IGFBPL1: variants seen among roughly 807,000 people sequenced by gnomAD.
The protein encoded by IGFBPL1 is insulin like growth factor binding protein like 1, also known as insulin-like growth factor-binding protein-like 1.
A neutral mutation model predicts 23.9 loss-of-function variants in IGFBPL1; 20 were observed. The observed-to-expected ratio is 0.84, with a 90% CI of 0.59 to 1.22. The LOEUF (loss-of-function observed/expected upper bound fraction) is 1.22, where lower values mean the gene tolerates loss of function less well. IGFBPL1 is among the 50% of genes most tolerant of loss of function. The pLI is 0.00. For missense variants in IGFBPL1, 436 were observed against 379.3 expected (o/e 1.15, Z -1.24); for synonymous variants, 184 against 171.8 (o/e 1.07, Z -0.56).
chr9:38,417,226 G>A (rs1821612019), intron 1 of IGFBPL1, among the ~76,000 whole-genome samples: 1 of 152,146 alleles, frequency 6.6e-6, no homozygotes, highest in South Asian at 2.1e-4. Flanking sequence ...GTGTAGTGAG[G>A]AGGCTGTGAG....
rs1821731690 is a variant in IGFBPL1, at chr9:38,424,373, G to C, written c.52C>G (p.Leu18Val). The C allele has an allele frequency of 1.4e-6, 1 of 692,210 alleles. No individual in the cohort carries two copies. The highest frequency in any genetic ancestry group is 1.9e-5 in the African/African-American group (1 of 53,224). 42.9% of individuals were successfully genotyped at this position (692,210 alleles called of 1,614,324 possible). ...LPLLLLLLLP[L>V]LPPLSPSLGI... ...AGGCTCGGGGACAGCGGCGGCAGCA[G>C]CGGCAGCAGCAGCAGAAGCAGCAGC... The change falls in exon 1 of 5, where the codon CTG becomes GTG. Residue 18 changes from leucine (L) to valine (V), a missense_variant. Physicochemically the swap from Leu to Val is conservative, Grantham distance 32 (BLOSUM62 1). Transcript: ENST00000377694.
chr9:38,415,610 G>A lies in IGFBPL1; in HGVS notation c.461-1407C>T, dbSNP rs543117107. Among the ~76,000 whole-genome samples, 20 of 152,276 alleles carry A rather than the reference G, an allele frequency of 1.3e-4. No individual in the cohort carries two copies. The East Asian group carries it at 3.1e-3, about 24-fold the overall frequency. On this transcript the variant is annotated intron_variant, in intron 1 of 4. Coordinates refer to ENST00000377694, the MANE Select transcript of IGFBPL1 (RefSeq NM_001007563.3). ...AGGCTCTTTAGCATCCTGATTCTCTGTGATTCTGTGCCTGACCACGTATGA... is the reference window on the plus strand; with the variant it reads ...AGGCTCTTTAGCATCCTGATTCTCTATGATTCTGTGCCTGACCACGTATGA...
intron 4 of IGFBPL1, among the ~76,000 whole-genome samples, chr9:38,410,844 G>A (rs1362259132): frequency 6.6e-6 from 1 of 152,226 alleles, no homozygotes; most frequent in African/African-American, 2.4e-5. Flanking sequence ...TACAGACTAG[G>A]AGGCCTTGAC....
At chr9:38,412,479 A>G (rs796726915) in intron 3 of IGFBPL1, among the ~76,000 whole-genome samples, 8 of 152,268 alleles carry the variant, frequency 5.3e-5, no homozygotes, top group African/African-American at 1.9e-4. Flanking sequence ...CATCTTGGTA[A>G]AAGTGCTGCG....
chr9:38,411,537 G>C lies in IGFBPL1; in HGVS notation c.700C>G (p.Arg234Gly). ...TGGTACACACCCTCATCCTCCTTTC[G>C]CAGGGGGTTGATCTAGAAATACAAC... Reference protein sequence around the residue: ...ATAWILINPLRKEDEGVYQCH... With the variant: ...ATAWILINPLGKEDEGVYQCH... Residue 234 changes from arginine to glycine, a missense_variant, in exon 4 of 5, where the codon CGA becomes GGA. Coordinates refer to ENST00000377694, the MANE Select transcript of IGFBPL1 (RefSeq NM_001007563.3). The C allele has an allele frequency of 6.2e-7, 1 of 1,613,750 alleles. No homozygotes were observed. The highest frequency in any genetic ancestry group is 2.2e-5 in the East Asian group (1 of 44,880).
chr9:38,411,080 C>T (rs1821507462), intron 4 of IGFBPL1, among the ~76,000 whole-genome samples: 2 of 151,960 alleles, frequency 1.3e-5, no homozygotes, highest in Non-Finnish European at 2.9e-5. Flanking sequence ...CTACCTCTCT[C>T]AGTGCTCTTT....
At chr9:38,416,209 G>A (rs751558528) in intron 1 of IGFBPL1, among the ~76,000 whole-genome samples, 9 of 152,216 alleles carry the variant, frequency 5.9e-5, no homozygotes, top group Non-Finnish European at 1.2e-4. Flanking sequence ...TGGATACCAA[G>A]GGGACTCTCA....
At chr9:38,416,795 C>G (rs980327488) in intron 1 of IGFBPL1, among the ~76,000 whole-genome samples, 2 of 151,916 alleles carry the variant, frequency 1.3e-5, no homozygotes, top group Admixed American at 6.6e-5. Context: ...CTGCCTCAGC[C>G]TCTTGAGTAG....
At chr9:38,415,045 C>A (rs1271961208) in intron 1 of IGFBPL1, among the ~76,000 whole-genome samples, 3 of 152,222 alleles carry the variant, frequency 2.0e-5, no homozygotes, top group African/African-American at 7.2e-5. Context: ...GCATCCAGCA[C>A]CACAGCGTGT....
At chr9:38,423,651 C>T (rs547664856) in intron 1 of IGFBPL1, among the ~76,000 whole-genome samples, 1 of 152,256 alleles carries the variant, frequency 6.6e-6, no homozygotes, top group East Asian at 1.9e-4. Context: ...AACTCGGATC[C>T]CCCTCCTTAA....
chr9:38,420,984 T>A (rs1821670430), intron 1 of IGFBPL1, among the ~76,000 whole-genome samples: 1 of 151,962 alleles, frequency 6.6e-6, no homozygotes, highest in Non-Finnish European at 1.5e-5. Context: ...AGGACACTTG[T>A]AAAAATCATG....
At chr9:38,414,500 C>T (rs1821564818) in intron 1 of IGFBPL1, among the ~76,000 whole-genome samples, 1 of 152,152 alleles carries the variant, frequency 6.6e-6, no homozygotes, top group South Asian at 2.1e-4. Flanking sequence ...GTGCTCCCTC[C>T]CAGGGTCCGT....
chr9:38,422,026 G>T (rs1417088567), intron 1 of IGFBPL1, among the ~76,000 whole-genome samples: 1 of 152,226 alleles, frequency 6.6e-6, no homozygotes, highest in Non-Finnish European at 1.5e-5. Context: ...GAGTGAAGGG[G>T]CTGTCACATT....
chr9:38,419,503 A>C (rs1335372312), intron 1 of IGFBPL1, among the ~76,000 whole-genome samples: 1 of 152,140 alleles, frequency 6.6e-6, no homozygotes, highest in Non-Finnish European at 1.5e-5. Context: ...TGGAATTTCA[A>C]CCAAGGTGAA....
rs1821554008 is a variant in IGFBPL1, at chr9:38,413,972, A to T, written c.570+122T>A. On this transcript the variant is annotated intron_variant, in intron 2 of 4. Transcript: ENST00000377694. ...CTCTGGCCCACCTATAAAGGCATATATATATAAACACACTTAAAAGAAAAA... is the reference window on the plus strand; with the variant it reads ...CTCTGGCCCACCTATAAAGGCATATTTATATAAACACACTTAAAAGAAAAA... 3 of 677,914 alleles carry T rather than the reference A, an allele frequency of 4.4e-6. No individual in the cohort carries two copies. In the East Asian group the frequency reaches 7.9e-5, roughly 18 times the overall value. The allele number at this position is 677,914 out of a possible 1,614,324, so 42.0% of individuals were successfully genotyped here.
intron 1 of IGFBPL1, among the ~76,000 whole-genome samples, chr9:38,421,211 T>A (rs2118325769): frequency 6.7e-6 from 1 of 149,884 alleles, no homozygotes; most frequent in South Asian, 2.1e-4. Context: ...GGAGGATTCC[T>A]TGAGCCCAGG....
chr9:38,420,390 C>A (rs1328851238), intron 1 of IGFBPL1, among the ~76,000 whole-genome samples: 1 of 152,210 alleles, frequency 6.6e-6, no homozygotes, highest in Non-Finnish European at 1.5e-5. Context: ...GGAGCTATAG[C>A]CCAGTGCTAA....
chr9:38,409,703 C>T (rs1168739316), intron 4 of IGFBPL1, among the ~76,000 whole-genome samples: 5 of 152,138 alleles, frequency 3.3e-5, no homozygotes, highest in Non-Finnish European at 7.3e-5. Flanking sequence ...CTATATAAAA[C>T]AAGTCACATA....
intron 1 of IGFBPL1, among the ~76,000 whole-genome samples, chr9:38,420,686 A>AT (rs1821666907): frequency 6.6e-6 from 1 of 152,090 alleles, no homozygotes; most frequent in African/African-American, 2.4e-5. Flanking sequence ...CAAAAAACAA[A>AT]ATTAGCCAGG....
Sources: allele counts gnomAD v4.1 joint callset (sites outside exome capture counted in the v4.1 genomes callset), GRCh38; gene constraint gnomAD v4.1.1; transcripts MANE v1.5; gene names NCBI Gene and HGNC (gene_info 2026-07-23, HGNC 2026-07-21).